Variants in KHDRBS2 observed in about 807,000 individuals in gnomAD.
The protein encoded by KHDRBS2 is KH domain-containing, RNA-binding, signal transduction-associated protein 2.
In KHDRBS2, 26 loss-of-function variants were observed where a neutral mutation model predicts 44.3. That is an observed-to-expected ratio of 0.59 (90% CI 0.43 to 0.81). The LOEUF (loss-of-function observed/expected upper bound fraction) is 0.81, where lower values mean the gene tolerates loss of function less well. KHDRBS2 is among the 40% of genes least tolerant of loss of function. The pLI, the probability that KHDRBS2 is intolerant of heterozygous loss-of-function variation, is 0.00. For synonymous variants in KHDRBS2, 194 were observed against 151.1 expected, an observed-to-expected ratio of 1.28 and a Z score of -2.08; for missense variants, 476 against 433.1, an observed-to-expected ratio of 1.10 and a Z score of -0.88.
intron 4 of KHDRBS2, among the ~76,000 whole-genome samples, chr6:61,954,856 G>GTATATATATGTA (rs1562513973): frequency 0.034 from 1,369 of 40,628 alleles, 275 homozygotes; most frequent in African/African-American, 0.08. Context: ...ATATGCATGT[G>GTATATATATGTA]TATATACACA....
intron 1 of KHDRBS2, among the ~76,000 whole-genome samples, chr6:62,282,421 C>T (rs2150197548): frequency 6.6e-6 from 1 of 152,222 alleles, no homozygotes; most frequent in Admixed American, 6.5e-5. Flanking sequence ...ATGATTATTT[C>T]AGTGCTTGCA....
chr6:62,271,353 C>A lies in KHDRBS2; in HGVS notation c.91+14505G>T, dbSNP rs1457512442. Among the ~76,000 whole-genome samples the A allele has an allele frequency of 2.0e-5, 3 of 152,226 alleles. No individual in the cohort carries two copies. In the South Asian group the frequency reaches 6.2e-4, roughly 32 times the overall value. On this transcript the variant is annotated intron_variant, in intron 1 of 8. Coordinates refer to ENST00000281156, the MANE Select transcript of KHDRBS2 (RefSeq NM_152688.4). ...TTGTGGTGATGCCGGTGTTAGCAAA[C>A]CTACTGTGCTGCCAGTAGTATAAAA...
At chr6:61,877,696 G>T (rs757270511) in intron 6 of KHDRBS2, among the ~76,000 whole-genome samples, 44 of 151,830 alleles carry the variant, frequency 2.9e-4, no homozygotes, top group Non-Finnish European at 7.4e-5. Context: ...CTAAAAAAAT[G>T]GTGTAAAAAA....
At chr6:61,733,704 C>T (rs995086909) in intron 6 of KHDRBS2, among the ~76,000 whole-genome samples, 1 of 151,928 alleles carries the variant, frequency 6.6e-6, no homozygotes. Context: ...ATTACACTAA[C>T]AAAGCTAATG....
At chr6:62,052,078 G>A (rs1055707852) in intron 2 of KHDRBS2, among the ~76,000 whole-genome samples, 1 of 151,842 alleles carries the variant, frequency 6.6e-6, no homozygotes, top group Non-Finnish European at 1.5e-5. Flanking sequence ...ATCCTATGAA[G>A]GTTTCTAAAT....
the KHDRBS2 span, among the ~76,000 whole-genome samples, chr6:61,672,110 CT>C: frequency 7.5e-6 from 1 of 133,636 alleles, no homozygotes; most frequent in African/African-American, 2.7e-5. Flanking sequence ...GTTTTTTGTT[CT>C]TGGGATAGTT....
rs116126593 is a variant in KHDRBS2, at chr6:61,848,938, G to C, written c.810+45697C>G. Among the ~76,000 whole-genome samples the C allele has an allele frequency of 4.2e-3, 635 of 151,702 alleles. 8 individuals are homozygous for C. Among genetic ancestry groups the C allele is most frequent in the African/African-American group, 0.015 (609 of 41,392 alleles). On this transcript the variant is annotated intron_variant, in intron 6 of 8. Coordinates refer to ENST00000281156, the MANE Select transcript of KHDRBS2 (RefSeq NM_152688.4). ...ACTTGAATTTAAGCATTTCGTTGCC[G>C]GAAAAATTATCCAAATCTTTGAAAG... is the stretch of plus-strand genomic sequence containing the variant.
At chr6:61,832,034 A>G (rs1007890530) in intron 6 of KHDRBS2, among the ~76,000 whole-genome samples, 6 of 152,258 alleles carry the variant, frequency 3.9e-5, no homozygotes, top group African/African-American at 1.4e-4. Context: ...TGAGTCCAGG[A>G]GTTTGAGATG....
intron 2 of KHDRBS2, among the ~76,000 whole-genome samples, chr6:62,132,355 T>C (rs1047573945): frequency 1.3e-5 from 2 of 152,210 alleles, no homozygotes; most frequent in African/African-American, 4.8e-5. Flanking sequence ...CCTCAAAGTA[T>C]GGTTCCTTGA....
the KHDRBS2 span, among the ~76,000 whole-genome samples, chr6:61,662,215 A>G: frequency 1.3e-5 from 2 of 152,088 alleles, no homozygotes; most frequent in African/African-American, 4.8e-5. Flanking sequence ...CTGAAACTGG[A>G]CCCCTTCCTT....
chr6:62,037,566 T>C (rs1584294386), intron 3 of KHDRBS2, among the ~76,000 whole-genome samples: 1 of 151,998 alleles, frequency 6.6e-6, no homozygotes, highest in Admixed American at 6.6e-5. Flanking sequence ...GAGAAAACAG[T>C]AAGCCCACTA....
intron 4 of KHDRBS2, among the ~76,000 whole-genome samples, chr6:61,949,250 C>G (rs909625842): frequency 2.0e-5 from 3 of 152,074 alleles, no homozygotes; most frequent in African/African-American, 7.2e-5. Context: ...ATTATTTTGA[C>G]TTGTGACTTG....
chr6:62,276,160 T>C (rs1840905615), intron 1 of KHDRBS2, among the ~76,000 whole-genome samples: 1 of 152,170 alleles, frequency 6.6e-6, no homozygotes, highest in South Asian at 2.1e-4. Context: ...TAAAATCTAA[T>C]CTTTAATGTT....
At chr6:62,138,344 C>T (rs1273764890) in intron 2 of KHDRBS2, among the ~76,000 whole-genome samples, 1 of 152,152 alleles carries the variant, frequency 6.6e-6, no homozygotes, top group Non-Finnish European at 1.5e-5. Flanking sequence ...GATGCAGTGC[C>T]ACTTCTGCAA....
chr6:61,615,224 C>T, the KHDRBS2 span, among the ~76,000 whole-genome samples: 2 of 68,614 alleles, frequency 2.9e-5, no homozygotes, highest in African/African-American at 5.5e-5. Flanking sequence ...CAGAGCAAGA[C>T]TCCATCTCCA....
intron 1 of KHDRBS2, among the ~76,000 whole-genome samples, chr6:62,281,817 T>C (rs997340264): frequency 5.3e-5 from 8 of 152,172 alleles, no homozygotes; most frequent in Non-Finnish European, 1.0e-4. Context: ...ACACATCCTT[T>C]ATTTCCCAGT....
chr6:62,151,533 C>CA (rs566887663), intron 2 of KHDRBS2, among the ~76,000 whole-genome samples: 10 of 152,012 alleles, frequency 6.6e-5, no homozygotes, highest in African/African-American at 2.2e-4. Flanking sequence ...AAAAGTTACC[C>CA]AAAAAAACCC....
the KHDRBS2 span, among the ~76,000 whole-genome samples, chr6:61,657,850 G>A: frequency 6.6e-6 from 1 of 152,022 alleles, no homozygotes; most frequent in Non-Finnish European, 1.5e-5. Flanking sequence ...AAACCTAAAA[G>A]CTTTCTCCTA....
At chr6:61,571,558 A>G in the KHDRBS2 span, among the ~76,000 whole-genome samples, 1 of 152,106 alleles carries the variant, frequency 6.6e-6, no homozygotes, top group Non-Finnish European at 1.5e-5. Context: ...CTAGAAAAAA[A>G]TGGACTTAAC....
Sources: gnomAD v4.1 joint callset for allele counts (sites outside exome capture counted in the v4.1 genomes callset) on GRCh38, gnomAD v4.1.1 for gene constraint, MANE v1.5 for transcripts, NCBI Gene and HGNC (gene_info 2026-07-23, HGNC 2026-07-21) for gene names.